APBA2: variants seen among roughly 807,000 people sequenced by gnomAD.
APBA2 encodes amyloid beta precursor protein binding family A member 2, also known as amyloid-beta A4 precursor protein-binding family A member 2.
In APBA2, 30 loss-of-function variants were observed where a neutral mutation model predicts 75.0. The ratio of observed to expected loss-of-function variants is 0.40; its 90% confidence interval spans 0.30 to 0.54. The LOEUF is 0.54. Ranked by LOEUF, APBA2 falls within the 20% of genes least tolerant of loss-of-function variation. APBA2 has a pLI of 0.49. For missense variants in APBA2, 801 were observed against 1,016.1 expected, an observed-to-expected ratio of 0.79 and a Z score of 2.88; for synonymous variants, 444 against 409.6, an observed-to-expected ratio of 1.08 and a Z score of -1.01.
At chr15:29,062,926 G>A (rs1435225962) in intron 4 of APBA2, among the ~76,000 whole-genome samples, 2 of 150,830 alleles carry the variant, frequency 1.3e-5, no homozygotes, top group African/African-American at 2.4e-5. Context: ...ATCTGGGTCA[G>A]TGTCTGTATG....
At chr15:29,027,596 ATCTTTTTTT>A (rs1452077096) in intron 3 of APBA2, among the ~76,000 whole-genome samples, 2 of 149,804 alleles carry the variant, frequency 1.3e-5, no homozygotes, top group Admixed American at 6.7e-5. Flanking sequence ...TTAGTCTTTT[ATCTTTTTTT>A]TCTTTTTTTT....
At chr15:29,104,647 G>A (rs992617645) in intron 10 of APBA2, among the ~76,000 whole-genome samples, 1 of 152,250 alleles carries the variant, frequency 6.6e-6, no homozygotes, top group Non-Finnish European at 1.5e-5. Context: ...ATCCCTAGAA[G>A]AGCAGCCAGG....
chr15:29,113,607 C>A (rs914540999), intron 13 of APBA2, among the ~76,000 whole-genome samples: 1 of 152,168 alleles, frequency 6.6e-6, no homozygotes, highest in East Asian at 1.9e-4. Context: ...ACAAAGGGAG[C>A]GGCCCTGGGG....
chr15:29,001,324 C>A (rs1426368450), intron 3 of APBA2, among the ~76,000 whole-genome samples: 1 of 152,198 alleles, frequency 6.6e-6, no homozygotes, highest in Non-Finnish European at 1.5e-5. Context: ...AATCTTCCCA[C>A]CTCAGCCCCC....
Position 29,098,573 on chromosome 15 carries a change from G to T in APBA2, c.1335G>T (p.Thr445=), listed in dbSNP as rs750898375. Reference sequence around the variant, plus strand: ...GGATCAAGGTTTTAAATGCAGACACGCAGGTAAGCGTTTAAGACAGTTGTT... The same window carrying T: ...GGATCAAGGTTTTAAATGCAGACACTCAGGTAAGCGTTTAAGACAGTTGTT... The part of the protein sequence containing the change: ...TQRIKVLNAD[T]QETMMDHALR... Residue 445 remains threonine, a synonymous_variant, in exon 9 of 15, where the codon ACG becomes ACT. Coordinates refer to ENST00000683413, the MANE Select transcript of APBA2 (RefSeq NM_001353788.2). 1.9e-6 allele frequency: 3 copies of T among 1,612,864 alleles called. No individual in the cohort carries two copies. Among genetic ancestry groups the T allele is most frequent in the South Asian group, 2.2e-5 (2 of 91,050 alleles).
chr15:28,968,657 C>T (rs1047563467), intron 2 of APBA2, among the ~76,000 whole-genome samples: 4 of 152,124 alleles, frequency 2.6e-5, no homozygotes, highest in African/African-American at 9.7e-5. Context: ...TTGTGTCTCC[C>T]CAAAATTCAT....
intron 1 of APBA2, among the ~76,000 whole-genome samples, chr15:28,910,750 A>C (rs1407332558): frequency 6.6e-6 from 1 of 152,136 alleles, no homozygotes; most frequent in Non-Finnish European, 1.5e-5. Flanking sequence ...GGCAATGAAG[A>C]GATTTTTCTC....
At chr15:29,070,468 C>A (rs1409593448) in intron 4 of APBA2, among the ~76,000 whole-genome samples, 1 of 152,158 alleles carries the variant, frequency 6.6e-6, no homozygotes, top group Non-Finnish European at 1.5e-5. Context: ...CACAGATCCG[C>A]TTTGAAAAGA....
At chr15:29,115,150 AT>A (rs2152986135) in intron 14 of APBA2, among the ~76,000 whole-genome samples, 1 of 146,662 alleles carries the variant, frequency 6.8e-6, no homozygotes, top group South Asian at 2.2e-4. Context: ...CGGGCAGGGA[AT>A]TTGGGTCTGG....
intron 5 of APBA2, 76 bp from the exon 6 acceptor site, chr15:29,075,979 C>A (rs2042830881): frequency 1.5e-6 from 2 of 1,344,428 alleles, no homozygotes; most frequent in Non-Finnish European, 2.1e-6. Context: ...CATATCACAG[C>A]CCTGCTTAGC....
At chr15:29,003,008 C>T (rs1003882505) in intron 3 of APBA2, among the ~76,000 whole-genome samples, 3 of 151,940 alleles carry the variant, frequency 2.0e-5, no homozygotes, top group African/African-American at 7.3e-5. Context: ...GAGGAAGCAG[C>T]GTGGCTGGTC....
chr15:28,891,952 C>T (rs1283179128), intron 1 of APBA2, among the ~76,000 whole-genome samples: 2 of 152,082 alleles, frequency 1.3e-5, no homozygotes, highest in Non-Finnish European at 2.9e-5. Flanking sequence ...TTAATGTAGC[C>T]TAAGTGTACA....
At chr15:29,092,748 T>C (rs11632682) in intron 6 of APBA2, among the ~76,000 whole-genome samples, 130,305 of 152,178 alleles carry the variant, frequency 0.86, 58,720 homozygotes, top group Non-Finnish European at 0.99. Flanking sequence ...AAAGTGCTGT[T>C]GTGTTTGGGA....
chr15:29,014,261 C>CTT (rs1438956465), intron 3 of APBA2, among the ~76,000 whole-genome samples: 1 of 152,230 alleles, frequency 6.6e-6, no homozygotes, highest in East Asian at 1.9e-4. Flanking sequence ...CTGCCAAAAT[C>CTT]CTGCCTTGCT....
chr15:29,106,690 C>A lies in APBA2; in HGVS notation c.1788C>A (p.Ile596=), dbSNP rs773839679. 1.9e-6 allele frequency: 3 copies of A among 1,613,068 alleles called. No homozygotes were observed. Among genetic ancestry groups the A allele is most frequent in the Middle Eastern group, 1.6e-4 (1 of 6,062 alleles). The change falls in exon 12 of 15, where the codon ATC becomes ATA. Residue 596 remains isoleucine (I), a synonymous_variant. Coordinates refer to ENST00000683413, the MANE Select transcript of APBA2 (RefSeq NM_001353788.2). ...SGWGSILPTV[I]LANMMNGGPA... ...GGGGCTCCATCCTGCCCACGGTGAT[C>A]CTGGCCAACATGATGAATGGCGGCC...
At position 28,918,243 on chromosome 15, in the gene APBA2, G is replaced by T. The variant is rs752148918; in HGVS notation, c.-204-3397G>T. Among the ~76,000 whole-genome samples the T allele has an allele frequency of 6.6e-6, 1 of 152,214 alleles. No individual in the cohort carries two copies. Among genetic ancestry groups the T allele is most frequent in the Non-Finnish European group, 1.5e-5 (1 of 68,050 alleles). Reference sequence around the variant, plus strand: ...AAGCGTTCCTGGCGCCACGGAGCCGGTCAGTGACAGAGCCGGGTCTCAACC... The same window carrying T: ...AAGCGTTCCTGGCGCCACGGAGCCGTTCAGTGACAGAGCCGGGTCTCAACC... On this transcript the variant is annotated intron_variant, in intron 1 of 14. Transcript: ENST00000683413. The surrounding 1 kb of genome is among the most constrained non-coding windows in gnomAD (Gnocchi z 4.2).
intron 10 of APBA2, among the ~76,000 whole-genome samples, chr15:29,103,530 C>T (rs2152966703): frequency 6.6e-6 from 1 of 152,354 alleles, no homozygotes; most frequent in East Asian, 1.9e-4. Flanking sequence ...GCAGCCGGTA[C>T]CCGGCGTGGA....
chr15:28,987,541 AAGAGAGAGTAT>A (rs889766768), intron 2 of APBA2, among the ~76,000 whole-genome samples: 11 of 151,780 alleles, frequency 7.2e-5, no homozygotes, highest in African/African-American at 2.7e-4. Context: ...TCAGTGATTC[AAGAGAGAGTAT>A]AGAGAGAGTA....
intron 8 of APBA2, among the ~76,000 whole-genome samples, chr15:29,096,560 C>T (rs116203812): frequency 0.019 from 2,906 of 152,322 alleles, 92 homozygotes; most frequent in African/African-American, 0.064. Flanking sequence ...TCCGCGGCTG[C>T]GGATTGTCAG....
Sources: allele counts gnomAD v4.1 joint callset (sites outside exome capture counted in the v4.1 genomes callset), GRCh38; gene constraint gnomAD v4.1.1; non-coding constraint Gnocchi (gnomAD v3.1); transcripts MANE v1.5; gene names NCBI Gene and HGNC (gene_info 2026-07-23, HGNC 2026-07-21).